The following SLC39A8 variants were observed in gnomAD, a reference collection of about 807,000 sequenced individuals.
The protein encoded by SLC39A8 is metal cation symporter ZIP8.
In SLC39A8, 15 loss-of-function variants were observed where a neutral mutation model predicts 40.4. That is an observed-to-expected ratio of 0.37 (90% CI 0.25 to 0.57). SLC39A8 has a LOEUF of 0.57. Ranked by LOEUF, SLC39A8 falls within the 20% of genes least tolerant of loss-of-function variation. SLC39A8 has a pLI of 0.75. For missense variants in SLC39A8, 472 were observed against 558.8 expected (o/e 0.84, Z 1.57); for synonymous variants, 223 against 221.6 (o/e 1.01, Z -0.06).
At chr4:102,254,580 C>A (rs1731668366) in intron 11 of SLC39A8, among the ~76,000 whole-genome samples, 1 of 152,150 alleles carries the variant, frequency 6.6e-6, no homozygotes, top group Non-Finnish European at 1.5e-5. Context: ...CCTTAAAAAG[C>A]CAGATGTCTG....
chr4:102,344,465 A>G lies in SLC39A8; in HGVS notation c.198T>C (p.Pro66=). ...GAASRVGVPE[P]GQLHFNQCLT... The stretch of plus-strand genomic sequence containing the variant: ...TTACCTGGTTGAAGTGCAGCTGGCC[A>G]GGCTCCGGGACGCCCACGCGGGAGG... Residue 66 remains proline, a synonymous_variant, in exon 2 of 9, where the codon CCT becomes CCC. Transcript: ENST00000356736. 1 of 1,543,546 alleles carries G rather than the reference A, an allele frequency of 6.5e-7. No homozygotes were observed. Among genetic ancestry groups the G allele is most frequent in the South Asian group, 1.2e-5 (1 of 82,658 alleles).
intron 4 of SLC39A8, among the ~76,000 whole-genome samples, chr4:102,306,616 C>G (rs1021742645): frequency 6.6e-6 from 1 of 151,914 alleles, no homozygotes; most frequent in East Asian, 1.9e-4. Context: ...TATTTTCTCT[C>G]TGTATGGGGT....
chr4:102,275,281 A>AAAAAAAC (rs140318578), intron 6 of SLC39A8, among the ~76,000 whole-genome samples: 29 of 149,828 alleles, frequency 1.9e-4, no homozygotes, highest in East Asian at 1.6e-3. Context: ...TGGAAAGCAA[A>AAAAAAAC]AAAAACAAAA....
At chr4:102,342,145 C>A (rs752468199) in intron 2 of SLC39A8, among the ~76,000 whole-genome samples, 1 of 152,106 alleles carries the variant, frequency 6.6e-6, no homozygotes, top group Non-Finnish European at 1.5e-5. Context: ...TCAATGGATT[C>A]TTTTAGATTG....
intron 6 of SLC39A8, among the ~76,000 whole-genome samples, chr4:102,283,237 G>A (rs1732983494): frequency 6.6e-6 from 1 of 152,214 alleles, no homozygotes; most frequent in Admixed American, 6.5e-5. Flanking sequence ...AATAAATGAG[G>A]ACACTGGAAG....
intron 2 of SLC39A8, among the ~76,000 whole-genome samples, chr4:102,342,942 C>G (rs1330596867): frequency 3.3e-5 from 5 of 152,178 alleles, no homozygotes; most frequent in Non-Finnish European, 7.3e-5. Context: ...TTTCCAAGCA[C>G]GTGACCATAC....
chr4:102,296,035 A>C (rs1361279202), intron 6 of SLC39A8, among the ~76,000 whole-genome samples: 2 of 152,122 alleles, frequency 1.3e-5, no homozygotes, highest in Non-Finnish European at 2.9e-5. Flanking sequence ...TTGGACTTTA[A>C]GATTCTCTTC....
chr4:102,262,499 C>T lies in SLC39A8; in HGVS notation c.*545G>A. ...GCAAGTTCCTAATTGAAATACAAAACAGAACAAAAAGCTGTGAGAAATCTT... is the reference window on the plus strand; with the variant it reads ...GCAAGTTCCTAATTGAAATACAAAATAGAACAAAAAGCTGTGAGAAATCTT... On this transcript the variant is annotated 3_prime_UTR_variant, in exon 9 of 9. Transcript: ENST00000356736. The T allele has an allele frequency of 1.0e-6, 1 of 985,252 alleles. No homozygotes were observed. The highest frequency in any genetic ancestry group is 1.2e-6 in the Non-Finnish European group (1 of 829,692). 61.0% of individuals were successfully genotyped at this position (985,252 alleles called of 1,614,324 possible).
At chr4:102,338,203 T>C (rs939183479) in intron 2 of SLC39A8, among the ~76,000 whole-genome samples, 17 of 151,208 alleles carry the variant, frequency 1.1e-4, no homozygotes, top group East Asian at 3.9e-4. Flanking sequence ...TTTTTTTTTT[T>C]CGAGACGGAG....
At chr4:102,306,865 T>C (rs1232091069) in intron 4 of SLC39A8, among the ~76,000 whole-genome samples, 1 of 152,050 alleles carries the variant, frequency 6.6e-6, no homozygotes, top group African/African-American at 2.4e-5. Context: ...GATAGATCAA[T>C]AACACATTTT....
At chr4:102,342,041 A>T (rs775048762) in intron 2 of SLC39A8, among the ~76,000 whole-genome samples, 4 of 152,346 alleles carry the variant, frequency 2.6e-5, no homozygotes, top group Admixed American at 1.3e-4. Flanking sequence ...GTATGTAAGC[A>T]TTAATGACCC....
chr4:102,344,353 T>C (rs1405615805), intron 2 of SLC39A8, 91 bp downstream of exon 2: 3 of 886,168 alleles, frequency 3.4e-6, no homozygotes, highest in African/African-American at 3.6e-5. Flanking sequence ...TTCTTTCTCC[T>C]GCACTTTTCC....
At chr4:102,325,646 C>G (rs551686436) in intron 2 of SLC39A8, among the ~76,000 whole-genome samples, 2 of 152,136 alleles carry the variant, frequency 1.3e-5, no homozygotes, top group South Asian at 4.1e-4. Context: ...GTGTTTATCT[C>G]TGAGTGGTAA....
In SLC39A8 at chr4:102,261,826, C is replaced by T; in HGVS notation, c.*1218G>A. 2.0e-6 allele frequency: 2 copies of T among 985,892 alleles called. No individual in the cohort carries two copies. Among genetic ancestry groups the T allele is most frequent in the Non-Finnish European group, 2.4e-6 (2 of 829,914 alleles). The allele number at this position is 985,892 out of a possible 1,614,324, so 61.1% of individuals were successfully genotyped here. A position where few individuals can be genotyped will look rare whatever the true frequency, so the allele number is the denominator to read the frequency against. The stretch of plus-strand genomic sequence containing the variant: ...TGTTGGAAAATGTAATTCCTGAGAT[C>T]ATTGTTGGGCTTTGTCAATCATTTT... On this transcript the variant is annotated 3_prime_UTR_variant, in exon 9 of 9. Transcript: ENST00000356736.
intron 3 of SLC39A8, among the ~76,000 whole-genome samples, chr4:102,311,678 A>G (rs1388055014): frequency 1.3e-5 from 2 of 152,140 alleles, no homozygotes; most frequent in Non-Finnish European, 2.9e-5. Context: ...TTAACTTATC[A>G]TCAGTTTACT....
chr4:102,324,270 C>T (rs1288788074), intron 2 of SLC39A8: 1 of 349,622 alleles, frequency 2.9e-6, no homozygotes, highest in Admixed American at 3.2e-5. Flanking sequence ...TGGTGCATGC[C>T]TGTAATCCCA....
Position 102,315,677 on chromosome 4 carries a change from G to A in SLC39A8, c.373C>T (p.His125Tyr), listed in dbSNP as rs1441871236. 5 of 1,607,450 alleles carry A rather than the reference G, an allele frequency of 3.1e-6. No homozygotes were observed. In the East Asian group the frequency reaches 6.7e-5, roughly 22 times the overall value. ...AATGCTTCTAATATACCTTCTGAAT[G>A]ACTTGGTCTTGTTTTGTGCTTGGGC... ...DRPKHKTRPSHSEVWGYGFLS... is the reference protein window; with the variant it reads ...DRPKHKTRPSYSEVWGYGFLS... The change falls in exon 3 of 9, where the codon CAT becomes TAT. Residue 125 changes from histidine (H) to tyrosine (Y), a missense_variant. His to Tyr is a moderately conservative substitution (Grantham distance 83, BLOSUM62 2). Transcript: ENST00000356736.
intron 6 of SLC39A8, among the ~76,000 whole-genome samples, chr4:102,299,113 T>C (rs1194995618): frequency 2.0e-5 from 3 of 151,862 alleles, no homozygotes; most frequent in East Asian, 3.9e-4. Flanking sequence ...TTATGTCAAA[T>C]ATTCTTAGTG....
At chr4:102,254,776 C>T (rs1731671575) in intron 11 of SLC39A8, among the ~76,000 whole-genome samples, 1 of 152,120 alleles carries the variant, frequency 6.6e-6, no homozygotes, top group Admixed American at 6.5e-5. Context: ...CTCAGTTATC[C>T]TGCTCCTGCT....
Sources: gnomAD v4.1 joint callset for allele counts (sites outside exome capture counted in the v4.1 genomes callset) on GRCh38, gnomAD v4.1.1 for gene constraint, MANE v1.5 for transcripts, NCBI Gene and HGNC (gene_info 2026-07-23, HGNC 2026-07-21) for gene names.